The following SETDB2 variants were observed in gnomAD, a reference collection of about 807,000 sequenced individuals.
SETDB2 encodes the protein SET domain bifurcated histone lysine methyltransferase 2, also known as histone-lysine N-methyltransferase SETDB2.
Under a neutral mutation model 82.5 loss-of-function variants are expected in SETDB2, and 56 were observed. The observed-to-expected ratio is 0.68, with a 90% CI of 0.55 to 0.85. The LOEUF is 0.85. Ranked by LOEUF, SETDB2 falls within the 40% of genes least tolerant of loss-of-function variation. SETDB2 has a pLI of 0.00. For missense variants in SETDB2, 677 were observed against 816.4 expected, an observed-to-expected ratio of 0.83 and a Z score of 2.08; for synonymous variants, 272 against 284.9, an observed-to-expected ratio of 0.95 and a Z score of 0.46.
chr13:49,453,853 G>C (rs938637629), intron 2 of SETDB2, among the ~76,000 whole-genome samples: 2 of 146,256 alleles, frequency 1.4e-5, no homozygotes, highest in African/African-American at 5.1e-5. Flanking sequence ...GGCCCTTTCA[G>C]CTGGCAGAGC....
chr13:49,454,778 G>A lies in SETDB2; in HGVS notation c.16+2869G>A, dbSNP rs534328278. On this transcript the variant is annotated intron_variant, in intron 2 of 13. Transcript: ENST00000611815. ...TTATAGTATCATACACAATAGTTTC[G>A]GTGCCTTTAACATAGTTGTAATGTA... Among the ~76,000 whole-genome samples the A allele has an allele frequency of 3.0e-4, 46 of 152,076 alleles. 1 individual carries two copies. Among genetic ancestry groups the A allele is most frequent in the South Asian group, 1.7e-3 (8 of 4,804 alleles).
rs960629096 is a variant in SETDB2 at position 49,494,296 on chromosome 13, T to C, written c.*2447T>C. ...TTGAAGATGTTTGTGTGTTTATGTA[T>C]GTATATGCACACACGTATACATACA... On this transcript the variant is annotated 3_prime_UTR_variant, in exon 14 of 14. Coordinates refer to ENST00000611815, the MANE Select transcript of SETDB2 (RefSeq NM_001160308.3). 1.3e-5 allele frequency: 2 copies of C among 152,248 alleles called. No individual in the cohort carries two copies. Among genetic ancestry groups the C allele is most frequent in the Non-Finnish European group, 1.5e-5 (1 of 68,042 alleles). The allele number at this position is 152,248 out of a possible 1,614,324, so 9.4% of individuals were successfully genotyped here.
intron 12 of SETDB2, among the ~76,000 whole-genome samples, chr13:49,490,157 A>G (rs1200440712): frequency 1.3e-5 from 2 of 151,080 alleles, no homozygotes; most frequent in South Asian, 2.1e-4. Context: ...GCACATGCCT[A>G]TAATCCCAGC....
At chr13:49,491,611 G>A in intron 13 of SETDB2, 121 bp from the exon 14 acceptor site, 1 of 679,976 alleles carries the variant, frequency 1.5e-6, no homozygotes, top group East Asian at 2.6e-5. Flanking sequence ...GGTGGATGTT[G>A]GGTGAGAGAA....
At chr13:49,487,799 C>G (rs1046866087) in intron 11 of SETDB2, among the ~76,000 whole-genome samples, 8 of 152,130 alleles carry the variant, frequency 5.3e-5, no homozygotes, top group African/African-American at 1.9e-4. Context: ...GTGCAAAACC[C>G]CTAGCAATAC....
At position 49,480,611 on chromosome 13, in the gene SETDB2, G is replaced by A. The variant is rs74938615; in HGVS notation, c.986+276G>A. ...GCCTACTTTGGGCAGCCATTTCTCC[G>A]TTTAAAAATAACTGTCTAGAACTCA... On this transcript the variant is annotated intron_variant, in intron 7 of 13. Coordinates refer to ENST00000611815, the MANE Select transcript of SETDB2 (RefSeq NM_001160308.3). Among the ~76,000 whole-genome samples the A allele has an allele frequency of 4.0e-3, 610 of 152,224 alleles. 5 individuals carry two copies. Among genetic ancestry groups the A allele is most frequent in the African/African-American group, 0.014 (577 of 41,546 alleles).
intron 13 of SETDB2, 144 bp downstream of exon 13, chr13:49,491,054 A>G: frequency 1.8e-6 from 1 of 564,078 alleles, no homozygotes; most frequent in East Asian, 3.1e-5. Flanking sequence ...GGAGTTTAAG[A>G]CCAGCCAGAG....
chr13:49,454,641 T>C (rs765872314), intron 2 of SETDB2, among the ~76,000 whole-genome samples: 2 of 152,214 alleles, frequency 1.3e-5, no homozygotes, highest in Non-Finnish European at 2.9e-5. Context: ...CATTCCTTAC[T>C]GAGATCCCTG....
chr13:49,468,208 A>G (rs1480261682), intron 5 of SETDB2, among the ~76,000 whole-genome samples: 2 of 152,180 alleles, frequency 1.3e-5, no homozygotes, highest in East Asian at 3.8e-4. Flanking sequence ...TTTTATTAAT[A>G]CACTGAAATC....
chr13:49,451,992 A>G (rs1464529333), intron 2 of SETDB2, 83 bp downstream of exon 2: 4 of 1,063,640 alleles, frequency 3.8e-6, no homozygotes, highest in African/African-American at 3.3e-5. Flanking sequence ...GGAATTGTCA[A>G]GGTTTTGCAT....
At chr13:49,455,429 A>T (rs1460636838) in intron 2 of SETDB2, among the ~76,000 whole-genome samples, 2 of 152,170 alleles carry the variant, frequency 1.3e-5, no homozygotes, top group East Asian at 3.8e-4. Context: ...ACCATGTATG[A>T]TTTTACATGT....
At chr13:49,454,707 T>C (rs1432273448) in intron 2 of SETDB2, among the ~76,000 whole-genome samples, 1 of 152,228 alleles carries the variant, frequency 6.6e-6, no homozygotes, top group African/African-American at 2.4e-5. Flanking sequence ...GTTTACTCTT[T>C]AAATTCTGTG....
chr13:49,494,408 G>C lies in SETDB2; in HGVS notation c.*2559G>C, dbSNP rs1224958441. ...TTGTTTCCCCTGTATGTTTGTTTTGGTCGTTCACATTATAGGCTTTCCTCA... is the reference window on the plus strand; with the variant it reads ...TTGTTTCCCCTGTATGTTTGTTTTGCTCGTTCACATTATAGGCTTTCCTCA... On this transcript the variant is annotated 3_prime_UTR_variant, in exon 14 of 14. Coordinates refer to ENST00000611815, the MANE Select transcript of SETDB2 (RefSeq NM_001160308.3). 3 of 152,044 alleles carry C rather than the reference G, an allele frequency of 2.0e-5. No individual in the cohort carries two copies. The highest frequency in any genetic ancestry group is 7.3e-5 in the African/African-American group (3 of 41,378). The allele number at this position is 152,044 out of a possible 1,614,324, so 9.4% of individuals were successfully genotyped here. A position where few individuals can be genotyped will look rare whatever the true frequency, so the allele number is the denominator to read the frequency against.
rs3039233 is a variant in SETDB2 at position 49,492,968 on chromosome 13, GCA to G, written c.*1135_*1136del. ...GCAAGACTCTCTCTCAAAAAAAACAGCACACACACACACACACGAAAACAATT... is the reference window on the plus strand; with the variant it reads ...GCAAGACTCTCTCTCAAAAAAAACAGCACACACACACACACGAAAACAATT... On this transcript the variant is annotated 3_prime_UTR_variant, in exon 14 of 14. Transcript: ENST00000611815. 0.71 allele frequency: 107,895 copies of G among 150,976 alleles called. 38,679 individuals carry two copies. Among genetic ancestry groups the G allele is most frequent in the East Asian group, 0.81 (4,173 of 5,138 alleles). The allele number at this position is 150,976 out of a possible 1,614,324, so 9.4% of individuals were successfully genotyped here.
intron 12 of SETDB2, among the ~76,000 whole-genome samples, chr13:49,489,718 C>T (rs1285788814): frequency 5.3e-5 from 8 of 150,056 alleles, no homozygotes; most frequent in East Asian, 2.0e-4. Flanking sequence ...TCATCAGCCT[C>T]CTGAGTAGCT....
At chr13:49,449,842 A>G (rs1360252617) in intron 1 of SETDB2, among the ~76,000 whole-genome samples, 1 of 152,142 alleles carries the variant, frequency 6.6e-6, no homozygotes, top group Non-Finnish European at 1.5e-5. Flanking sequence ...TTTGCTCACT[A>G]TTGCTACGTA....
intron 8 of SETDB2, 100 bp downstream of exon 8, chr13:49,481,216 A>C: frequency 2.8e-6 from 3 of 1,070,818 alleles, no homozygotes; most frequent in Non-Finnish European, 4.0e-6. Flanking sequence ...CAGCAAGGTA[A>C]AGAGTAACAG....
At chr13:49,466,690 G>A (rs997528547) in intron 4 of SETDB2, among the ~76,000 whole-genome samples, 1 of 152,046 alleles carries the variant, frequency 6.6e-6, no homozygotes, top group African/African-American at 2.4e-5. Context: ...TGTCGCTCAG[G>A]CTGGAGTGCA....
chr13:49,450,931 A>G (rs1253162161), intron 1 of SETDB2, among the ~76,000 whole-genome samples: 1 of 149,784 alleles, frequency 6.7e-6, no homozygotes, highest in African/African-American at 2.4e-5. Flanking sequence ...AATATCGAAT[A>G]TAGAGGTTTA....
Sources: allele counts gnomAD v4.1 joint callset (sites outside exome capture counted in the v4.1 genomes callset), GRCh38; gene constraint gnomAD v4.1.1; transcripts MANE v1.5; gene names NCBI Gene and HGNC (gene_info 2026-07-23, HGNC 2026-07-21).